Variants in CCDC91 observed in about 807,000 individuals in gnomAD.
CCDC91 encodes coiled-coil domain-containing protein 91.
Under a neutral mutation model 63.2 loss-of-function variants are expected in CCDC91, and 48 were observed. The observed-to-expected ratio is 0.76, with a 90% CI of 0.60 to 0.97. The LOEUF is 0.97. Ranked by LOEUF, CCDC91 falls within the 50% of genes least tolerant of loss-of-function variation. The pLI is 0.00. For missense variants in CCDC91, 500 were observed against 494.6 expected, an observed-to-expected ratio of 1.01 and a Z score of -0.10; for synonymous variants, 167 against 165.8, an observed-to-expected ratio of 1.01 and a Z score of -0.06.
chr12:28,539,617 A>G (rs1046270678), intron 12 of CCDC91, among the ~76,000 whole-genome samples: 3 of 152,122 alleles, frequency 2.0e-5, no homozygotes, highest in Non-Finnish European at 2.9e-5. Flanking sequence ...AGAAGGTGCT[A>G]TTGCCATTTT....
intron 8 of CCDC91, among the ~76,000 whole-genome samples, chr12:28,448,015 G>A (rs1252625787): frequency 6.6e-6 from 1 of 152,044 alleles, no homozygotes; most frequent in African/African-American, 2.4e-5. Flanking sequence ...CAGCCAAATG[G>A]CAATGAGGCC....
chr12:28,361,168 T>C (rs1330976737), intron 6 of CCDC91, among the ~76,000 whole-genome samples: 1 of 151,584 alleles, frequency 6.6e-6, no homozygotes, highest in Non-Finnish European at 1.5e-5. Context: ...TTTTTTAAAT[T>C]TTTAAATTTT....
intron 11 of CCDC91, among the ~76,000 whole-genome samples, chr12:28,472,663 G>A (rs778949753): frequency 6.6e-6 from 1 of 152,132 alleles, no homozygotes; most frequent in Non-Finnish European, 1.5e-5. Context: ...TTTTCACACA[G>A]ACAAGTATGC....
At position 28,368,368 on chromosome 12, in the gene CCDC91, G is replaced by A. The variant is rs976352035; in HGVS notation, c.654+5853G>A. 3.3e-5 allele frequency among the ~76,000 whole-genome samples: 5 copies of A among 151,980 alleles called. No homozygotes were observed. In the East Asian group the frequency reaches 5.8e-4, roughly 18 times the overall value. On this transcript the variant is annotated intron_variant, in intron 7 of 12. Coordinates refer to ENST00000536442, the MANE Select transcript of CCDC91 (RefSeq NM_018318.5). ...CTTTAATTCTTTTAAAATTACTGAG[G>A]CTTATTTTATGGCCTAGCCTCTGAT... is the stretch of plus-strand genomic sequence containing the variant.
At chr12:28,238,326 G>A (rs1945103668) in intron 1 of CCDC91, among the ~76,000 whole-genome samples, 1 of 152,258 alleles carries the variant, frequency 6.6e-6, no homozygotes, top group South Asian at 2.1e-4. Flanking sequence ...ACTTACTAGT[G>A]TGATATATAA....
At chr12:28,434,340 G>A (rs528569201) in intron 8 of CCDC91, among the ~76,000 whole-genome samples, 53 of 151,600 alleles carry the variant, frequency 3.5e-4, no homozygotes, top group African/African-American at 1.3e-3. Context: ...TTTGTCAAAT[G>A]CTTTATCTGC....
In CCDC91 at chr12:28,310,370, G is replaced by A. The variant is rs60721369; in HGVS notation, c.576+2621G>A. 7.0e-3 allele frequency among the ~76,000 whole-genome samples: 1,057 copies of A among 152,072 alleles called. 15 individuals are homozygous for A. Among genetic ancestry groups the A allele is most frequent in the African/African-American group, 0.025 (1,019 of 41,526 alleles). On this transcript the variant is annotated intron_variant, in intron 6 of 12. Transcript: ENST00000536442. ...TAATGACCAATATAAATGCTATCTG[G>A]CATTATCATTGTTGTCTCACTGCGT...
chr12:28,228,530 T>C (rs1372313649), intron 1 of CCDC91, among the ~76,000 whole-genome samples: 1 of 152,070 alleles, frequency 6.6e-6, no homozygotes, highest in African/African-American at 2.4e-5. Context: ...AGGCTTCTGC[T>C]TGAACCCTTC....
chr12:28,526,794 C>G (rs1205224965), intron 12 of CCDC91, among the ~76,000 whole-genome samples: 4 of 151,814 alleles, frequency 2.6e-5, no homozygotes, highest in Admixed American at 2.0e-4. Flanking sequence ...AGTCTTTGTT[C>G]ATATTTTCTT....
intron 1 of CCDC91, among the ~76,000 whole-genome samples, chr12:28,244,490 A>G (rs1381367491): frequency 1.6e-5 from 2 of 125,238 alleles, no homozygotes; most frequent in Non-Finnish European, 3.2e-5. Flanking sequence ...AATGTAGAAG[A>G]AGGCTTTTTT....
intron 1 of CCDC91, among the ~76,000 whole-genome samples, chr12:28,207,323 C>A (rs1265328749): frequency 6.6e-6 from 1 of 152,068 alleles, no homozygotes; most frequent in African/African-American, 2.4e-5. Context: ...TGTGGAGGGA[C>A]CCTTCTCAGT....
chr12:28,246,534 T>A (rs1347379123), intron 1 of CCDC91, among the ~76,000 whole-genome samples: 1 of 152,178 alleles, frequency 6.6e-6, no homozygotes, highest in African/African-American at 2.4e-5. Flanking sequence ...TATGGGGGAC[T>A]CCAAAGATCA....
chr12:28,494,741 G>A (rs2141035785), intron 12 of CCDC91, among the ~76,000 whole-genome samples: 2 of 151,748 alleles, frequency 1.3e-5, no homozygotes, highest in South Asian at 4.2e-4. Context: ...AGCTGTTATA[G>A]GTGTTCTCTG....
intron 11 of CCDC91, among the ~76,000 whole-genome samples, chr12:28,479,733 A>G (rs1260268984): frequency 6.6e-6 from 1 of 152,102 alleles, no homozygotes; most frequent in African/African-American, 2.4e-5. Flanking sequence ...ACATAGGATC[A>G]TACTATGTGA....
At chr12:28,224,000 T>G (rs1944113134) in intron 1 of CCDC91, among the ~76,000 whole-genome samples, 1 of 152,022 alleles carries the variant, frequency 6.6e-6, no homozygotes. Flanking sequence ...TAAAGCGGAG[T>G]CTTTTACTTG....
At chr12:28,467,070 C>T (rs1329571394) in intron 11 of CCDC91, among the ~76,000 whole-genome samples, 1 of 151,970 alleles carries the variant, frequency 6.6e-6, no homozygotes, top group Non-Finnish European at 1.5e-5. Context: ...GAAGAGGAGA[C>T]TACAAAACAA....
chr12:28,450,103 C>A, intron 8 of CCDC91, 58 bp from the exon 9 acceptor site: 1 of 944,388 alleles, frequency 1.1e-6, no homozygotes, highest in East Asian at 2.5e-5. Context: ...AGCTACTCTC[C>A]TTGTTGACAG....
intron 1 of CCDC91, among the ~76,000 whole-genome samples, chr12:28,220,782 G>GAATTTACAT (rs1239624696): frequency 1.3e-5 from 2 of 151,962 alleles, no homozygotes; most frequent in Admixed American, 6.6e-5. Flanking sequence ...TGTTTTACAT[G>GAATTTACAT]GTTCTGGCAA....
intron 8 of CCDC91, among the ~76,000 whole-genome samples, chr12:28,400,313 C>T (rs1036695226): frequency 2.6e-5 from 4 of 152,114 alleles, no homozygotes; most frequent in Non-Finnish European, 5.9e-5. Context: ...AGCTGGGATG[C>T]AGGGCACCAT....
Sources: allele counts gnomAD v4.1 joint callset (sites outside exome capture counted in the v4.1 genomes callset), GRCh38; gene constraint gnomAD v4.1.1; transcripts MANE v1.5; gene names NCBI Gene and HGNC (gene_info 2026-07-23, HGNC 2026-07-21).